The following DNAJB1 variants were observed in gnomAD, a reference collection of about 807,000 sequenced individuals.
DNAJB1 encodes dnaJ homolog subfamily B member 1.
DNAJB1 carries 14 observed loss-of-function variants against 24.0 expected under a neutral mutation model. That is an observed-to-expected ratio of 0.58 (90% CI 0.39 to 0.91). The LOEUF is 0.91. DNAJB1 is among the 40% of genes least tolerant of loss of function. DNAJB1 has a pLI of 0.00. For synonymous variants in DNAJB1, 262 were observed against 174.4 expected, an observed-to-expected ratio of 1.50 and a Z score of -3.96; for missense variants, 517 against 458.1, an observed-to-expected ratio of 1.13 and a Z score of -1.17.
rs138562354 is a variant in DNAJB1 at position 14,518,194 on chromosome 19, G to A, written c.156C>T (p.Tyr52=). The change falls in exon 1 of 3, where the codon TAC becomes TAT. Residue 52 remains tyrosine (Y), a synonymous_variant. Transcript: ENST00000254322. ...GCTTGCGCGGGTCGCTGAGCACGTCGTAGGCCTCAGCGATCTCCTTGAACT... is the reference window on the plus strand; with the variant it reads ...GCTTGCGCGGGTCGCTGAGCACGTCATAGGCCTCAGCGATCTCCTTGAACT... The part of the protein sequence containing the change: ...EEKFKEIAEA[Y]DVLSDPRKRE... 1.2e-6 allele frequency: 2 copies of A among 1,606,476 alleles called. No homozygotes were observed. Among genetic ancestry groups the A allele is most frequent in the African/African-American group, 1.3e-5 (1 of 74,342 alleles).
intron 1 of DNAJB1, among the ~76,000 whole-genome samples, chr19:14,542,354 T>TG (rs1480153540): frequency 9.1e-4 from 106 of 116,390 alleles, no homozygotes; most frequent in African/African-American, 3.5e-3. Flanking sequence ...AGTGTTTTTT[T>TG]TTTTTTTTTT....
intron 1 of DNAJB1, among the ~76,000 whole-genome samples, chr19:14,548,226 G>T (rs1376477312): frequency 1.3e-5 from 2 of 151,920 alleles, no homozygotes; most frequent in Non-Finnish European, 2.9e-5. Flanking sequence ...CTCCCAAAGT[G>T]CTGGGATTAC....
At chr19:14,535,486 G>A (rs1195657047) in intron 1 of DNAJB1, among the ~76,000 whole-genome samples, 135 of 109,624 alleles carry the variant, frequency 1.2e-3, no homozygotes, top group African/African-American at 4.6e-3. Flanking sequence ...CAGCCTGGGC[G>A]ACAGAGCGAG....
At chr19:14,539,056 C>A (rs932282915) in intron 1 of DNAJB1, among the ~76,000 whole-genome samples, 1 of 150,182 alleles carries the variant, frequency 6.7e-6, no homozygotes, top group Non-Finnish European at 1.5e-5. Context: ...TCACTGCAAT[C>A]TCCGCCTCCC....
At chr19:14,550,470 C>T (rs531758230), upstream of DNAJB1, among the ~76,000 whole-genome samples, 1 of 152,112 alleles carries the variant, frequency 6.6e-6, no homozygotes, top group Non-Finnish European at 1.5e-5. Context: ...GGCTCAGCCT[C>T]TGGCCCCCTT....
intron 1 of DNAJB1, among the ~76,000 whole-genome samples, chr19:14,557,983 C>T (rs546630831): frequency 3.3e-5 from 5 of 151,056 alleles, no homozygotes; most frequent in African/African-American, 1.2e-4. Flanking sequence ...TCTCGATCTC[C>T]TGACCTCGTG....
Position 14,515,686 on chromosome 19 carries a change from C to CT in DNAJB1, c.*253dup, listed in dbSNP as rs2072244551. On this transcript the variant is annotated 3_prime_UTR_variant, in exon 3 of 3. Transcript: ENST00000254322. The stretch of plus-strand genomic sequence containing the variant: ...TGGATGTGGGCCCATCCCGGGAGGG[C>CT]TGCCAGACCCAGTGGGGCAGACTGG... 1 of 449,256 alleles carries CT rather than the reference C, an allele frequency of 2.2e-6. No individual in the cohort carries two copies. Among genetic ancestry groups the CT allele is most frequent in the Admixed American group, 4.4e-5 (1 of 22,768 alleles). The allele number at this position is 449,256 out of a possible 1,614,324, so 27.8% of individuals were successfully genotyped here.
At chr19:14,553,795 G>C (rs1290647158), upstream of DNAJB1, among the ~76,000 whole-genome samples, 1 of 152,160 alleles carries the variant, frequency 6.6e-6, no homozygotes, top group East Asian at 1.9e-4. Flanking sequence ...TGGCTGGACA[G>C]GGAGCTCAGG....
In DNAJB1 at chr19:14,555,741, A is replaced by C. The variant is rs79665288; in HGVS notation, c.-2165-1423T>G. On this transcript the variant is annotated intron_variant, in intron 1 of 5. Coordinates refer to the DNAJB1 transcript ENST00000679223. ...CAGGTGTGAGTCACCATGCGTGGAC[A>C]CAGCTAATTTTTATAAATACTTTTT... 2.8e-3 allele frequency among the ~76,000 whole-genome samples: 424 copies of C among 152,204 alleles called. 4 individuals carry two copies. Among genetic ancestry groups the C allele is most frequent in the African/African-American group, 9.8e-3 (407 of 41,544 alleles).
Position 14,555,437 on chromosome 19 carries a change from TC to T in DNAJB1, c.-2165-1120del, listed in dbSNP as rs1399894426. On this transcript the variant is annotated intron_variant, in intron 1 of 5. Coordinates refer to the DNAJB1 transcript ENST00000679223. ...CAAATTTTTTTGTATTTTTATTTAT[TC>T]TTTTTTTTTTTTTTTTTTTTTTTTT... 4.8e-4 allele frequency among the ~76,000 whole-genome samples: 70 copies of T among 145,618 alleles called. 2 individuals carry two copies. Among genetic ancestry groups the T allele is most frequent in the African/African-American group, 1.5e-3 (59 of 39,284 alleles).
chr19:14,529,810 A>T (rs2072550042), upstream of DNAJB1: 2 of 1,568,304 alleles, frequency 1.3e-6, no homozygotes, highest in South Asian at 2.2e-5. Flanking sequence ...CTGTGCCCCG[A>T]AGGAAGAGCC....
intron 2 of DNAJB1, among the ~76,000 whole-genome samples, chr19:14,526,322 C>A (rs1161568080): frequency 6.6e-6 from 1 of 152,228 alleles, no homozygotes; most frequent in Non-Finnish European, 1.5e-5. Context: ...TCCCTACAGA[C>A]AGGCACTGTC....
chr19:14,531,268 C>CTTG (rs1282700635), upstream of DNAJB1: 1 of 151,554 alleles, frequency 6.6e-6, no homozygotes, highest in Non-Finnish European at 1.5e-5. Context: ...AACTCTTGAC[C>CTTG]TCAAGTGATT....
In DNAJB1 at chr19:14,516,122, T is replaced by C. The variant is rs1358463898; in HGVS notation, c.841A>G (p.Ile281Val). ...VNVPTLDGRT[I>V]PVVFKDVIRP... is the part of the protein sequence containing the mutation. ...ATAACATCTTTGAATACGACGGGTA[T>C]CGTCCTGCCGTCCAGAGTGGGGACG... The change falls in exon 3 of 3, where the codon ATA becomes GTA. Residue 281 changes from isoleucine (I) to valine (V), a missense_variant. By Grantham distance (29) the Ile-to-Val change is conservative (BLOSUM62 3). Transcript: ENST00000254322. 1.9e-6 allele frequency: 3 copies of C among 1,613,594 alleles called. No homozygotes were observed. The South Asian group carries it at 3.3e-5, about 18-fold the overall frequency.
chr19:14,529,921 G>GT, upstream of DNAJB1: 1 of 686,886 alleles, frequency 1.5e-6, no homozygotes. Context: ...AACCCAGGCT[G>GT]TTTTGGGGGT....
rs1755674437 is a variant in DNAJB1, at chr19:14,516,400, AAATACTAAACT to A, written c.792+55_792+65del. 5.2e-6 allele frequency: 8 copies of A among 1,532,970 alleles called. No homozygotes were observed. The Admixed American group carries it at 5.6e-5, about 11-fold the overall frequency. The allele number at this position is 1,532,970 out of a possible 1,614,324, so 95.0% of individuals were successfully genotyped here. On this transcript the variant is annotated intron_variant, in intron 2 of 2. Coordinates refer to ENST00000254322, the MANE Select transcript of DNAJB1 (RefSeq NM_006145.3). Reference sequence around the variant, plus strand: ...ACACACCCCAACACATTGGTTCAGCAAATACTAAACTGCTTCAAAAAGCAGCCATCGCCCTC... The same window carrying A: ...ACACACCCCAACACATTGGTTCAGCAGCTTCAAAAAGCAGCCATCGCCCTC...
At chr19:14,538,392 G>T (rs1370465699) in intron 1 of DNAJB1, among the ~76,000 whole-genome samples, 1 of 152,110 alleles carries the variant, frequency 6.6e-6, no homozygotes, top group East Asian at 1.9e-4. Context: ...TGCTCAGCAT[G>T]CTTCGCGGCC....
chr19:14,516,572 T>C lies in DNAJB1; in HGVS notation c.686A>G (p.Asn229Ser), dbSNP rs2072266868. The change falls in exon 2 of 3, where the codon AAC (asparagine) becomes AGC (serine). Residue 229 changes from asparagine (N) to serine (S), a missense_variant. Transcript: ENST00000254322. ...TFPKEGDQTS[N>S]NIPADIVFVL... is the part of the protein sequence containing the mutation. ...AAAGACGATATCAGCTGGAATGTTG[T>C]TGGAGGTCTGGTCTCCTTCCTTGGG... 1 of 1,614,228 alleles carries C rather than the reference T, an allele frequency of 6.2e-7. No individual in the cohort carries two copies. Among genetic ancestry groups the C allele is most frequent in the East Asian group, 2.2e-5 (1 of 44,896 alleles).
chr19:14,548,100 C>T lies in DNAJB1; in HGVS notation c.-214+2108G>A, dbSNP rs1354367960. The stretch of plus-strand genomic sequence containing the variant: ...GCCTCAGCCTCCCAAGTAGCTGGGA[C>T]TACAGGCGCCCACCACCATGCCCAG... On this transcript the variant is annotated intron_variant, in intron 1 of 3. Transcript: ENST00000676982. Among the ~76,000 whole-genome samples the T allele has an allele frequency of 6.8e-4, 103 of 151,328 alleles. 1 individual carries two copies. In the South Asian group the frequency reaches 0.022, roughly 32 times the overall value.
Sources: gnomAD v4.1 joint callset for allele counts (sites outside exome capture counted in the v4.1 genomes callset) on GRCh38, gnomAD v4.1.1 for gene constraint, MANE v1.5 for transcripts, NCBI Gene and HGNC (gene_info 2026-07-23, HGNC 2026-07-21) for gene names.